Variants in AGBL4 observed in about 807,000 individuals in gnomAD.
AGBL4 encodes cytosolic carboxypeptidase 6.
A neutral mutation model predicts 66.4 loss-of-function variants in AGBL4; 58 were observed. That is an observed-to-expected ratio of 0.87 (90% confidence interval 0.71 to 1.09). AGBL4 has a LOEUF of 1.09. AGBL4 is among the 50% of genes least tolerant of loss of function. The pLI, the probability that AGBL4 is intolerant of heterozygous loss-of-function variation, is 0.00. For missense variants in AGBL4, 579 were observed against 631.0 expected (o/e 0.92, Z 0.88); for synonymous variants, 234 against 222.9 (o/e 1.05, Z -0.44).
intron 6 of AGBL4, among the ~76,000 whole-genome samples, chr1:48,831,139 C>T (rs758412629): frequency 2.3e-4 from 35 of 152,170 alleles, no homozygotes; most frequent in Non-Finnish European, 4.4e-4. Flanking sequence ...TTCTTAATGA[C>T]ATGAGGGAGT....
chr1:48,872,978 A>G (rs1648835758), intron 5 of AGBL4, among the ~76,000 whole-genome samples: 1 of 152,196 alleles, frequency 6.6e-6, no homozygotes, highest in Non-Finnish European at 1.5e-5. Context: ...GTGTCACCTC[A>G]GGCTGAGCCT....
intron 2 of AGBL4, among the ~76,000 whole-genome samples, chr1:49,722,199 TGAATCCCCAA>T (rs1321826820): frequency 1.3e-5 from 2 of 152,188 alleles, no homozygotes; most frequent in Non-Finnish European, 2.9e-5. Flanking sequence ...GAAAGGAACT[TGAATCCCCAA>T]GGTGCCAGTA....
chr1:49,653,510 T>C (rs1450679286), intron 3 of AGBL4, among the ~76,000 whole-genome samples: 1 of 151,890 alleles, frequency 6.6e-6, no homozygotes, highest in Non-Finnish European at 1.5e-5. Context: ...AGATGGGTAA[T>C]AACAAACTTT....
chr1:49,778,270 C>T (rs114350455), intron 2 of AGBL4, among the ~76,000 whole-genome samples: 449 of 152,262 alleles, frequency 2.9e-3, no homozygotes, highest in Non-Finnish European at 5.2e-3. Flanking sequence ...CCATCTCCAA[C>T]TACCACCCCA....
intron 1 of AGBL4, among the ~76,000 whole-genome samples, chr1:49,986,077 G>A (rs1012788059): frequency 5.9e-5 from 9 of 151,956 alleles, no homozygotes; most frequent in Admixed American, 5.2e-4. Flanking sequence ...TTTTTATGTA[G>A]ATGTAACATA....
intron 3 of AGBL4, among the ~76,000 whole-genome samples, chr1:49,379,719 G>C (rs1011103201): frequency 6.6e-6 from 1 of 152,088 alleles, no homozygotes; most frequent in Non-Finnish European, 1.5e-5. Flanking sequence ...TTGCATCCCA[G>C]GGATGAAGCC....
At chr1:49,060,724 A>T (rs977811971) in intron 4 of AGBL4, among the ~76,000 whole-genome samples, 4 of 152,152 alleles carry the variant, frequency 2.6e-5, no homozygotes, top group Admixed American at 1.3e-4. Context: ...AGACAAAGAA[A>T]TACAGGAAAA....
rs1435105812 is a variant in AGBL4, at chr1:48,736,717, C to T, written c.635-73476G>A. On this transcript the variant is annotated intron_variant, in intron 6 of 13. Transcript: ENST00000371839. This position sits in a 1 kb window ranked among gnomAD's most constrained non-coding sequence, Gnocchi z 4.0. ...AGGCATTATAACACCATTTTCCTTT[C>T]AGATGGAAACACCGGTTCAGACAGG... 1.3e-5 allele frequency among the ~76,000 whole-genome samples: 2 copies of T among 152,166 alleles called. No homozygotes were observed. Among genetic ancestry groups the T allele is most frequent in the East Asian group, 3.9e-4 (2 of 5,188 alleles).
intron 3 of AGBL4, chr1:49,257,563 G>A (rs1652644497): frequency 6.5e-6 from 1 of 152,842 alleles, no homozygotes; most frequent in South Asian, 2.1e-4. Flanking sequence ...CGATTTTCCA[G>A]GTGCTGTCAC....
rs1645722747 is a variant in AGBL4, at chr1:49,428,845, T to A, written c.283-182981A>T. Among the ~76,000 whole-genome samples the A allele has an allele frequency of 1.3e-5, 2 of 152,210 alleles. 1 individual carries two copies. Among genetic ancestry groups the A allele is most frequent in the South Asian group, 4.1e-4 (2 of 4,830 alleles). On this transcript the variant is annotated intron_variant, in intron 3 of 13. Coordinates refer to ENST00000371839, the MANE Select transcript of AGBL4 (RefSeq NM_032785.4). ...GTTGCATTATTCCTCATCCATGGCC[T>A]TAGCAATTTGCTCTCAGTTGGCCAC...
chr1:49,435,126 A>G (rs1570709624), intron 3 of AGBL4, among the ~76,000 whole-genome samples: 1 of 152,190 alleles, frequency 6.6e-6, no homozygotes, highest in East Asian at 1.9e-4. Flanking sequence ...TTCAGAGCAC[A>G]TATAACAGTT....
At chr1:49,145,752 G>A (rs962615305) in intron 4 of AGBL4, among the ~76,000 whole-genome samples, 17 of 152,070 alleles carry the variant, frequency 1.1e-4, no homozygotes, top group African/African-American at 4.1e-4. Context: ...TCCCACTGCT[G>A]GGTATATACC....
At chr1:49,791,094 T>C (rs929676058) in intron 2 of AGBL4, among the ~76,000 whole-genome samples, 4 of 151,986 alleles carry the variant, frequency 2.6e-5, no homozygotes, top group Admixed American at 6.6e-5. Flanking sequence ...AAGTGTGAAA[T>C]AGGAAGTAGA....
In AGBL4 at chr1:50,023,912, C is replaced by T; in HGVS notation, c.-116G>A. 8.1e-7 allele frequency: 1 copy of T among 1,232,942 alleles called. No homozygotes were observed. The highest frequency in any genetic ancestry group is 3.1e-5 in the East Asian group (1 of 31,954). The allele number at this position is 1,232,942 out of a possible 1,614,324, so 76.4% of individuals were successfully genotyped here. ...CAGGAAGACGCGGCACGACGGTTGC[C>T]TGGGCAACGGGCGGCAGGCGCGCGG... On this transcript the variant is annotated 5_prime_UTR_variant, in exon 1 of 14. Transcript: ENST00000371839.
chr1:49,003,046 T>C (rs1661509912), intron 5 of AGBL4, among the ~76,000 whole-genome samples: 2 of 152,308 alleles, frequency 1.3e-5, no homozygotes, highest in South Asian at 2.1e-4. Flanking sequence ...CCTTGTTTTA[T>C]GGCATGGAAG....
intron 3 of AGBL4, among the ~76,000 whole-genome samples, chr1:49,530,760 C>T (rs1651076678): frequency 6.6e-6 from 1 of 152,000 alleles, no homozygotes. Context: ...CAGTTAATTA[C>T]TCTACCATTT....
At chr1:49,314,220 G>C (rs955710723) in intron 3 of AGBL4, among the ~76,000 whole-genome samples, 5 of 151,974 alleles carry the variant, frequency 3.3e-5, no homozygotes, top group African/African-American at 1.2e-4. Context: ...CTGTTCCATT[G>C]GTCTATGTAT....
chr1:49,545,009 G>A (rs1431373534), intron 3 of AGBL4, among the ~76,000 whole-genome samples: 1 of 152,062 alleles, frequency 6.6e-6, no homozygotes, highest in Non-Finnish European at 1.5e-5. Flanking sequence ...TTCCTTGGTA[G>A]CAAACTCTAA....
chr1:48,758,981 C>G, intron 6 of AGBL4: 1 of 1,613,332 alleles, frequency 6.2e-7, no homozygotes, highest in Non-Finnish European at 8.5e-7. Flanking sequence ...ACAAGTGCCC[C>G]GTACTCCTTG....
Sources: gnomAD v4.1 joint callset for allele counts (sites outside exome capture counted in the v4.1 genomes callset) on GRCh38, gnomAD v4.1.1 for gene constraint, Gnocchi (gnomAD v3.1) non-coding constraint, MANE v1.5 for transcripts, NCBI Gene and HGNC (gene_info 2026-07-23, HGNC 2026-07-21) for gene names.